The following SORL1-AS1 variants were observed in gnomAD, a reference collection of about 807,000 sequenced individuals.
SORL1-AS1 encodes SORL1 antisense RNA 1, also known as lncRNA 51 A.
intron 1 of SORL1-AS1, among the ~76,000 whole-genome samples, chr11:121,451,972 C>T (rs1224800006): frequency 6.6e-6 from 1 of 152,210 alleles, no homozygotes; most frequent in Non-Finnish European, 1.5e-5. Flanking sequence ...TGCAACTCTT[C>T]ATTCCTGCAG....
downstream of SORL1-AS1, among the ~76,000 whole-genome samples, chr11:121,444,422 G>A (rs181238424): frequency 5.3e-5 from 8 of 152,318 alleles, no homozygotes; most frequent in Admixed American, 2.6e-4. Context: ...TTTACTTACG[G>A]ATGAAGAAAC....
At chr11:121,438,824 G>A in the SORL1-AS1 span, among the ~76,000 whole-genome samples, 2 of 152,130 alleles carry the variant, frequency 1.3e-5, no homozygotes, top group African/African-American at 4.8e-5. Context: ...TCAGGAGTTC[G>A]AGAGCAGCCT....
the SORL1-AS1 span, among the ~76,000 whole-genome samples, chr11:121,441,316 G>A: frequency 2.0e-5 from 3 of 150,940 alleles, no homozygotes; most frequent in African/African-American, 7.3e-5. Context: ...GAGGTCAGGA[G>A]ATTGAAACCA....
Position 121,452,711 on chromosome 11 carries a change from A to G in SORL1-AS1, n.303T>C, listed in dbSNP as rs904789817. 2 of 1,158,050 alleles carry G rather than the reference A, an allele frequency of 1.7e-6. No homozygotes were observed. The highest frequency in any genetic ancestry group is 3.3e-5 in the African/African-American group (2 of 61,428). The allele number at this position is 1,158,050 out of a possible 1,614,324, so 71.7% of individuals were successfully genotyped here. A position where few individuals can be genotyped will look rare whatever the true frequency, so the allele number is the denominator to read the frequency against. Reference sequence around the variant, plus strand: ...TCCGTTGCAGTCGCCTCCTAGGTGCAGGCACCACTGGGGACTTCCCGGCTT... The same window carrying G: ...TCCGTTGCAGTCGCCTCCTAGGTGCGGGCACCACTGGGGACTTCCCGGCTT... On this transcript the variant is annotated non_coding_transcript_exon_variant, in exon 1 of 2. Coordinates refer to ENST00000501964, the Ensembl canonical transcript of SORL1-AS1. The surrounding 1 kb of genome is among the most constrained non-coding windows in gnomAD (Gnocchi z 5.3).
At chr11:121,444,078 G>C (rs149397481), downstream of SORL1-AS1, among the ~76,000 whole-genome samples, 93 of 149,124 alleles carry the variant, frequency 6.2e-4, no homozygotes, top group African/African-American at 2.3e-3. Flanking sequence ...AGAAATGTGT[G>C]TGTGTGTGTG....
At chr11:121,441,367 CAA>C in the SORL1-AS1 span, among the ~76,000 whole-genome samples, 5 of 132,810 alleles carry the variant, frequency 3.8e-5, no homozygotes, top group Admixed American at 7.5e-5. Context: ...ACTAAAAATA[CAA>C]AAAAAAAAAA....
intron 1 of SORL1-AS1, among the ~76,000 whole-genome samples, chr11:121,451,312 G>C (rs1263814924): frequency 6.6e-6 from 1 of 152,240 alleles, no homozygotes; most frequent in African/African-American, 2.4e-5. Flanking sequence ...TTTATCTCCT[G>C]TGGTTCAGAG....
chr11:121,442,911 C>A (rs183854181), downstream of SORL1-AS1, among the ~76,000 whole-genome samples: 8 of 150,724 alleles, frequency 5.3e-5, no homozygotes, highest in East Asian at 1.4e-3. Flanking sequence ...ATCTCCTGAC[C>A]TCGTGATCCG....
chr11:121,441,766 C>T, the SORL1-AS1 span, among the ~76,000 whole-genome samples: 2 of 152,014 alleles, frequency 1.3e-5, no homozygotes, highest in African/African-American at 4.8e-5. Context: ...CAGAAGGAGC[C>T]TGAACTCCCG....
chr11:121,444,072 A>ATG (rs956369934), downstream of SORL1-AS1, among the ~76,000 whole-genome samples: 30 of 149,736 alleles, frequency 2.0e-4, no homozygotes, highest in South Asian at 1.1e-3. Flanking sequence ...TTGCTAAGAA[A>ATG]TGTGTGTGTG....
chr11:121,442,967 C>T (rs1447900231), downstream of SORL1-AS1, among the ~76,000 whole-genome samples: 4 of 150,198 alleles, frequency 2.7e-5, no homozygotes, highest in South Asian at 2.1e-4. Flanking sequence ...CGTGAGTCAC[C>T]GCGCCCAGCC....
the SORL1-AS1 span, among the ~76,000 whole-genome samples, chr11:121,440,708 A>G: frequency 6.6e-6 from 1 of 152,226 alleles, no homozygotes. Flanking sequence ...AAGGAGGTCA[A>G]GAAGAATCTG....
At position 121,452,429 on chromosome 11, in the gene SORL1-AS1, A is replaced by G. The variant is rs1479326649; in HGVS notation, n.339+246T>C. On this transcript the variant is annotated intron_variant and non_coding_transcript_variant, in intron 1 of 1. Transcript: ENST00000501964. This position sits in a 1 kb window ranked among gnomAD's most constrained non-coding sequence, Gnocchi z 5.3. ...GGAGCTCTCTGCGAAGTCTGGACGC[A>G]GAGGCTGCACGGCGGCAGCGCGCCC... 6.6e-7 allele frequency: 1 copy of G among 1,511,414 alleles called. No individual in the cohort carries two copies. Among genetic ancestry groups the G allele is most frequent in the Admixed American group, 2.1e-5 (1 of 46,908 alleles). The allele number at this position is 1,511,414 out of a possible 1,614,324, so 93.6% of individuals were successfully genotyped here. A position where few individuals can be genotyped will look rare whatever the true frequency, so the allele number is the denominator to read the frequency against.
the SORL1-AS1 span, among the ~76,000 whole-genome samples, chr11:121,439,699 C>T: frequency 6.6e-6 from 1 of 152,114 alleles, no homozygotes; most frequent in African/African-American, 2.4e-5. Flanking sequence ...ATAACAGGCA[C>T]TTACAATAAC....
intron 1 of SORL1-AS1, among the ~76,000 whole-genome samples, chr11:121,451,004 G>A (rs540920716): frequency 6.6e-6 from 1 of 152,224 alleles, no homozygotes; most frequent in Non-Finnish European, 1.5e-5. Context: ...GAGTGGGCCG[G>A]GGTAGGAATC....
intron 1 of SORL1-AS1, among the ~76,000 whole-genome samples, chr11:121,451,095 T>A (rs530061658): frequency 1.2e-4 from 19 of 152,324 alleles, no homozygotes; most frequent in Admixed American, 1.1e-3. Flanking sequence ...GAACAGCAGC[T>A]TGTATGCAAC....
exon 2 of SORL1-AS1, chr11:121,448,669 A>T (rs1860753980): frequency 6.6e-6 from 1 of 152,188 alleles, no homozygotes; most frequent in African/African-American, 2.4e-5. Context: ...TCTCACCTTC[A>T]TTTAAATGCA....
At chr11:121,444,503 T>A (rs1027193933), downstream of SORL1-AS1, among the ~76,000 whole-genome samples, 1 of 152,124 alleles carries the variant, frequency 6.6e-6, no homozygotes, top group Non-Finnish European at 1.5e-5. Flanking sequence ...CCCAGGTGAG[T>A]GGGCTTCTGA....
At chr11:121,444,894 T>G (rs1860704627), downstream of SORL1-AS1, among the ~76,000 whole-genome samples, 1 of 152,250 alleles carries the variant, frequency 6.6e-6, no homozygotes, top group African/African-American at 2.4e-5. Flanking sequence ...CAAAATTCAC[T>G]GCTAATTTAG....
Sources: allele counts gnomAD v4.1 joint callset (sites outside exome capture counted in the v4.1 genomes callset), GRCh38; gene constraint gnomAD v4.1.1; non-coding constraint Gnocchi (gnomAD v3.1); transcripts MANE v1.5; gene names NCBI Gene and HGNC (gene_info 2026-07-23, HGNC 2026-07-21).